DNM3: variants seen among roughly 807,000 people sequenced by gnomAD.
The protein encoded by DNM3 is dynamin 3, also known as dynamin-3.
Under a neutral mutation model 101.6 loss-of-function variants are expected in DNM3, and 47 were observed. That is an observed-to-expected ratio of 0.46 (90% CI 0.37 to 0.59). The LOEUF is 0.59. Ranked by LOEUF, DNM3 falls within the 20% of genes least tolerant of loss-of-function variation. The probability of loss-of-function intolerance (pLI) is 0.00; values close to 1 mark genes in which losing one functional copy is unlikely to be tolerated. For missense variants in DNM3, 849 were observed against 1,085.7 expected (o/e 0.78, Z 3.06); for synonymous variants, 385 against 387.9 (o/e 0.99, Z 0.09).
chr1:172,289,677 A>G (rs1256674238), intron 15 of DNM3: 2 of 984,670 alleles, frequency 2.0e-6, no homozygotes, highest in East Asian at 1.1e-4. Context: ...TTTTAATAAT[A>G]AAGTGTACCT....
At chr1:172,141,303 G>C (rs1299610734) in intron 14 of DNM3, among the ~76,000 whole-genome samples, 1 of 152,058 alleles carries the variant, frequency 6.6e-6, no homozygotes, top group Non-Finnish European at 1.5e-5. Context: ...TTTGAAGTAA[G>C]AAAGTTTCTA....
intron 1 of DNM3, among the ~76,000 whole-genome samples, chr1:171,885,344 A>C (rs2036666723): frequency 6.6e-6 from 1 of 152,192 alleles, no homozygotes; most frequent in Non-Finnish European, 1.5e-5. Flanking sequence ...CAAAACATCA[A>C]AACATACATA....
chr1:172,097,950 G>A (rs2054359513), intron 13 of DNM3, among the ~76,000 whole-genome samples: 1 of 152,100 alleles, frequency 6.6e-6, no homozygotes, highest in Non-Finnish European at 1.5e-5. Context: ...TACGAATAGG[G>A]TTTGGGTCAC....
chr1:172,001,796 G>C lies in DNM3; in HGVS notation c.589+12648G>C, dbSNP rs561931950. Reference sequence around the variant, plus strand: ...AGACTTTTAAATTCATCTTATGGGGGTGTGTCCCTACATACCTCCTTCAGC... The same window carrying C: ...AGACTTTTAAATTCATCTTATGGGGCTGTGTCCCTACATACCTCCTTCAGC... On this transcript the variant is annotated intron_variant, in intron 4 of 20. Transcript: ENST00000627582. 5.3e-5 allele frequency among the ~76,000 whole-genome samples: 8 copies of C among 152,046 alleles called. No homozygotes were observed. In the South Asian group the frequency reaches 1.7e-3, roughly 32 times the overall value.
intron 14 of DNM3, among the ~76,000 whole-genome samples, chr1:172,147,170 A>G (rs1423897737): frequency 6.6e-6 from 1 of 152,154 alleles, no homozygotes; most frequent in Non-Finnish European, 1.5e-5. Context: ...AACTGGGCAT[A>G]CAAAGATTAA....
intron 13 of DNM3, among the ~76,000 whole-genome samples, chr1:172,100,464 T>TG (rs1425195355): frequency 6.6e-6 from 1 of 152,154 alleles, no homozygotes; most frequent in Non-Finnish European, 1.5e-5. Context: ...GTTAAAAAGG[T>TG]GACAGTTTAA....
At position 172,236,330 on chromosome 1, in the gene DNM3, C is replaced by A. The variant is rs557209657; in HGVS notation, c.1660-17243C>A. ...AGAACCTATAAAAAATAATGTAGTA[C>A]GATGTTTTTGTTATACTTCAAGAAT... On this transcript the variant is annotated intron_variant, in intron 14 of 20. Transcript: ENST00000627582. Among the ~76,000 whole-genome samples, 8 of 152,012 alleles carry A rather than the reference C, an allele frequency of 5.3e-5. No homozygotes were observed. In the South Asian group the frequency reaches 1.7e-3, roughly 32 times the overall value.
intron 6 of DNM3, among the ~76,000 whole-genome samples, chr1:172,035,092 G>T (rs1415840202): frequency 6.6e-6 from 1 of 152,100 alleles, no homozygotes; most frequent in Non-Finnish European, 1.5e-5. Flanking sequence ...AAAAGGGGCG[G>T]GTTTGAGAAA....
chr1:171,969,818 T>A (rs2043857842), intron 2 of DNM3, among the ~76,000 whole-genome samples: 1 of 151,930 alleles, frequency 6.6e-6, no homozygotes, highest in Non-Finnish European at 1.5e-5. Context: ...CTCACAACAA[T>A]CCTAGGAGGT....
chr1:171,901,967 A>G (rs2038395266), intron 1 of DNM3, among the ~76,000 whole-genome samples: 1 of 152,210 alleles, frequency 6.6e-6, no homozygotes, highest in Non-Finnish European at 1.5e-5. Flanking sequence ...CTGGTTATAG[A>G]TGAAAAGAAT....
chr1:172,081,710 T>C, intron 11 of DNM3, 122 bp from the exon 12 acceptor site: 1 of 735,720 alleles, frequency 1.4e-6, no homozygotes, highest in Non-Finnish European at 2.2e-6. Flanking sequence ...TTACTTTTCA[T>C]GCTAATTGAA....
At position 172,411,937 on chromosome 1, in the gene DNM3, A is replaced by G. The variant is rs1468344815; in HGVS notation, c.*4096A>G. The G allele has an allele frequency of 2.0e-6, 2 of 985,762 alleles. No individual in the cohort carries two copies. The highest frequency in any genetic ancestry group is 3.5e-5 in the African/African-American group (2 of 57,344). 61.1% of individuals were successfully genotyped at this position (985,762 alleles called of 1,614,324 possible). ...AAAAGCTCAAATGAGTCTTCTAGAT[A>G]CTCTTACTCATCCTGTCTGGTTGCT... On this transcript the variant is annotated 3_prime_UTR_variant, in exon 21 of 21. Transcript: ENST00000627582.
chr1:172,119,463 G>A (rs932520781), intron 13 of DNM3, among the ~76,000 whole-genome samples: 3 of 151,710 alleles, frequency 2.0e-5, no homozygotes, highest in Non-Finnish European at 4.4e-5. Context: ...ATTCATTTTT[G>A]TAGTATTCTC....
chr1:172,390,046 A>G (rs1469392570), intron 20 of DNM3, among the ~76,000 whole-genome samples: 1 of 152,218 alleles, frequency 6.6e-6, no homozygotes, highest in Admixed American at 6.5e-5. Flanking sequence ...AGAGTTTGAT[A>G]CACTGTAAAG....
At chr1:172,196,850 T>C (rs2059968391) in intron 14 of DNM3, among the ~76,000 whole-genome samples, 1 of 152,204 alleles carries the variant, frequency 6.6e-6, no homozygotes, top group African/African-American at 2.4e-5. Flanking sequence ...TCTCCCATTC[T>C]GTAGGTTGTC....
chr1:171,988,774 A>G (rs558144093), intron 3 of DNM3, among the ~76,000 whole-genome samples, 171 bp from the exon 4 acceptor site: 1 of 152,362 alleles, frequency 6.6e-6, no homozygotes, highest in African/African-American at 2.4e-5. Flanking sequence ...TATCATAAAA[A>G]TAGAGAAAAC....
At chr1:172,225,467 T>C (rs2061079637) in intron 14 of DNM3, among the ~76,000 whole-genome samples, 1 of 152,114 alleles carries the variant, frequency 6.6e-6, no homozygotes, top group Non-Finnish European at 1.5e-5. Context: ...ATTTAGTCTT[T>C]ACTTTTTCCC....
At chr1:172,027,289 A>G (rs946815085) in intron 4 of DNM3, among the ~76,000 whole-genome samples, 1 of 152,152 alleles carries the variant, frequency 6.6e-6, no homozygotes, top group African/African-American at 2.4e-5. Flanking sequence ...CACCCAATTA[A>G]AAAACACAGA....
At chr1:171,968,134 A>C (rs759114969) in intron 2 of DNM3, among the ~76,000 whole-genome samples, 11 of 152,194 alleles carry the variant, frequency 7.2e-5, no homozygotes, top group Non-Finnish European at 1.5e-4. Flanking sequence ...GATGCTTTGA[A>C]TGTATACATG....
Sources: gnomAD v4.1 joint callset for allele counts (sites outside exome capture counted in the v4.1 genomes callset) on GRCh38, gnomAD v4.1.1 for gene constraint, MANE v1.5 for transcripts, NCBI Gene and HGNC (gene_info 2026-07-23, HGNC 2026-07-21) for gene names.